Variants in PTPRN2 observed in about 807,000 individuals in gnomAD.
The protein encoded by PTPRN2 is protein tyrosine phosphatase receptor type N2.
PTPRN2 carries 74 observed loss-of-function variants against 118.8 expected under a neutral mutation model. That is an observed-to-expected ratio of 0.62 (90% CI 0.52 to 0.76). The LOEUF (loss-of-function observed/expected upper bound fraction) is 0.76, where lower values mean the gene tolerates loss of function less well. Ranked by LOEUF, PTPRN2 falls within the 30% of genes least tolerant of loss-of-function variation. The probability of loss-of-function intolerance (pLI) is 0.00; values close to 1 mark genes in which losing one functional copy is unlikely to be tolerated. For synonymous variants in PTPRN2, 641 were observed against 608.0 expected, an observed-to-expected ratio of 1.05 and a Z score of -0.80; for missense variants, 1,481 against 1,394.4, an observed-to-expected ratio of 1.06 and a Z score of -0.99.
At chr7:157,952,258 A>AGAGT (rs1288894446) in intron 11 of PTPRN2, among the ~76,000 whole-genome samples, 12 of 152,002 alleles carry the variant, frequency 7.9e-5, no homozygotes, top group South Asian at 2.1e-4. Flanking sequence ...AGGACAACTT[A>AGAGT]GGAGGAGTGA....
chr7:158,531,796 A>C (rs1825262121), intron 1 of PTPRN2, among the ~76,000 whole-genome samples: 1 of 152,154 alleles, frequency 6.6e-6, no homozygotes. Context: ...TGCTCATAGA[A>C]AGAACGTGGT....
chr7:157,659,652 T>TA (rs1357485035), intron 13 of PTPRN2, among the ~76,000 whole-genome samples: 1 of 152,046 alleles, frequency 6.6e-6, no homozygotes, highest in Non-Finnish European at 1.5e-5. Context: ...TGAGTGTGTT[T>TA]AAAAAAATCC....
At chr7:158,533,036 C>T (rs761267002) in intron 1 of PTPRN2, among the ~76,000 whole-genome samples, 23 of 152,236 alleles carry the variant, frequency 1.5e-4, no homozygotes, top group Non-Finnish European at 3.2e-4. Context: ...ACTTGGGTTC[C>T]TGTCACTTTG....
In PTPRN2 at chr7:158,355,860, G is replaced by A. The variant is rs961943029; in HGVS notation, c.164-38928C>T. ...TCACAGGCAGATGCGAATCCTCCACGTGGGGATGCGGGAAGGCTGTTCTTG... is the reference window on the plus strand; with the variant it reads ...TCACAGGCAGATGCGAATCCTCCACATGGGGATGCGGGAAGGCTGTTCTTG... On this transcript the variant is annotated intron_variant, in intron 2 of 22. Coordinates refer to ENST00000389418, the MANE Select transcript of PTPRN2 (RefSeq NM_002847.5). Among the ~76,000 whole-genome samples the A allele has an allele frequency of 3.3e-4, 50 of 152,320 alleles. 1 individual carries two copies. The highest frequency in any genetic ancestry group is 1.1e-3 in the African/African-American group (47 of 41,572).
intron 11 of PTPRN2, chr7:158,027,694 A>G (rs1008842857): frequency 7.9e-5 from 12 of 152,374 alleles, no homozygotes; most frequent in African/African-American, 2.6e-4. Flanking sequence ...TTCTAAAAAT[A>G]TGATTGAGAA....
Position 158,555,393 on chromosome 7 carries a change from G to A in PTPRN2, c.112+32165C>T, listed in dbSNP as rs542475120. The stretch of plus-strand genomic sequence containing the variant: ...CTTCACAAGCAGCATCCACGGCTCA[G>A]TGGTGCCCCTCGCCCCCACCGCTCT... On this transcript the variant is annotated intron_variant, in intron 1 of 22. Transcript: ENST00000389418. The surrounding 1 kb of genome is among the most constrained non-coding windows in gnomAD (Gnocchi z 4.7). Among the ~76,000 whole-genome samples the A allele has an allele frequency of 1.3e-5, 2 of 152,132 alleles. No homozygotes were observed. The highest frequency in any genetic ancestry group is 2.9e-5 in the Non-Finnish European group (2 of 68,024).
intron 12 of PTPRN2, among the ~76,000 whole-genome samples, chr7:157,776,530 CT>C (rs1363795058): frequency 6.7e-4 from 18 of 26,828 alleles, no homozygotes; most frequent in African/African-American, 7.2e-4. Flanking sequence ...TCCCTCTCCT[CT>C]CTCTCCTTCT....
At chr7:157,922,793 A>G (rs1798759246) in intron 11 of PTPRN2, among the ~76,000 whole-genome samples, 1 of 137,524 alleles carries the variant, frequency 7.3e-6, no homozygotes, top group Admixed American at 7.6e-5. Context: ...AATACTTTCA[A>G]TATTTCAACT....
intron 11 of PTPRN2, among the ~76,000 whole-genome samples, chr7:157,952,257 T>G (rs1800861121): frequency 6.6e-6 from 1 of 151,294 alleles, no homozygotes; most frequent in Non-Finnish European, 1.5e-5. Context: ...CAGGACAACT[T>G]AGGAGGAGTG....
intron 12 of PTPRN2, among the ~76,000 whole-genome samples, chr7:157,797,931 G>C (rs73165856): frequency 0.086 from 13,105 of 152,226 alleles, 627 homozygotes; most frequent in Middle Eastern, 0.14. Flanking sequence ...TCTTTCCTTT[G>C]ACCCCAGGTC....
In PTPRN2 at chr7:157,636,806, T is replaced by A. The variant is rs145696692; in HGVS notation, c.2197-15297A>T. On this transcript the variant is annotated intron_variant, in intron 14 of 22. Coordinates refer to ENST00000389418, the MANE Select transcript of PTPRN2 (RefSeq NM_002847.5). ...TTAAACTCCCCCAATTCTTTTCCCGTCCATTTTAAACCTCTCTGCTTAGCA... is the reference window on the plus strand; with the variant it reads ...TTAAACTCCCCCAATTCTTTTCCCGACCATTTTAAACCTCTCTGCTTAGCA... Among the ~76,000 whole-genome samples the A allele has an allele frequency of 3.2e-3, 490 of 152,350 alleles. 4 individuals carry two copies. The highest frequency in any genetic ancestry group is 0.011 in the African/African-American group (462 of 41,578).
In PTPRN2 at chr7:158,289,947, C is replaced by T. The variant is rs1018567475; in HGVS notation, c.277+26872G>A. On this transcript the variant is annotated intron_variant, in intron 3 of 22. Coordinates refer to ENST00000389418, the MANE Select transcript of PTPRN2 (RefSeq NM_002847.5). The stretch of plus-strand genomic sequence containing the variant: ...TGCCTGGGTTAGCAGGTGAGTGAGC[C>T]TTGGCCTGGATCCACTGGAGTGGAC... Among the ~76,000 whole-genome samples the T allele has an allele frequency of 5.3e-5, 8 of 152,272 alleles. No homozygotes were observed. The South Asian group carries it at 8.3e-4, about 16-fold the overall frequency.
chr7:158,580,270 C>T (rs1374349464), intron 1 of PTPRN2, among the ~76,000 whole-genome samples: 5 of 152,224 alleles, frequency 3.3e-5, no homozygotes, highest in Non-Finnish European at 7.3e-5. Flanking sequence ...AAATCACAGC[C>T]TCTGACTGCC....
At chr7:158,155,615 A>ATC (rs1821709254) in intron 6 of PTPRN2, among the ~76,000 whole-genome samples, 2 of 152,106 alleles carry the variant, frequency 1.3e-5, no homozygotes, top group Non-Finnish European at 2.9e-5. Flanking sequence ...CATCACCATC[A>ATC]ACACTATCAT....
At chr7:157,661,729 C>T (rs565427638) in intron 13 of PTPRN2, among the ~76,000 whole-genome samples, 1 of 152,340 alleles carries the variant, frequency 6.6e-6, no homozygotes. Context: ...TGAAGCCCCC[C>T]ATGCTGCCCC....
chr7:158,013,718 G>T (rs62639091), intron 11 of PTPRN2, among the ~76,000 whole-genome samples: 82,603 of 106,170 alleles, frequency 0.78, 32,105 homozygotes, highest in East Asian at 0.82. Context: ...CATCCATCCA[G>T]CCAGCCACCC....
At chr7:158,561,016 G>C (rs1466433060) in intron 1 of PTPRN2, among the ~76,000 whole-genome samples, 1 of 152,196 alleles carries the variant, frequency 6.6e-6, no homozygotes, top group African/African-American at 2.4e-5. Context: ...ATGTGCACAG[G>C]GTTATTCTGT....
intron 3 of PTPRN2, among the ~76,000 whole-genome samples, chr7:158,296,197 G>A (rs1361688803): frequency 6.6e-6 from 1 of 152,150 alleles, no homozygotes; most frequent in Non-Finnish European, 1.5e-5. Context: ...GACCCTAGCA[G>A]GCAGAGACAC....
chr7:158,209,595 C>G (rs543150708), intron 3 of PTPRN2, among the ~76,000 whole-genome samples: 1 of 152,322 alleles, frequency 6.6e-6, no homozygotes, highest in East Asian at 1.9e-4. Flanking sequence ...AATACAGTAA[C>G]AGCTGAAGAC....
Sources: allele counts gnomAD v4.1 joint callset (sites outside exome capture counted in the v4.1 genomes callset), GRCh38; gene constraint gnomAD v4.1.1; non-coding constraint Gnocchi (gnomAD v3.1); transcripts MANE v1.5; gene names NCBI Gene and HGNC (gene_info 2026-07-23, HGNC 2026-07-21).